The following MGST2 variants were observed in gnomAD, a reference collection of about 807,000 sequenced individuals.
MGST2 encodes glutathione peroxidase MGST2.
In MGST2, 9 loss-of-function variants were observed where a neutral mutation model predicts 16.6. The observed-to-expected ratio is 0.54, with a 90% CI of 0.33 to 0.95. MGST2 has a LOEUF of 0.95. Among genes scored for constraint, MGST2 ranks in the 40% least tolerant of loss-of-function variants. The pLI, the probability that MGST2 is intolerant of heterozygous loss-of-function variation, is 0.03. For missense variants in MGST2, 159 were observed against 175.1 expected, an observed-to-expected ratio of 0.91 and a Z score of 0.52; for synonymous variants, 79 against 68.0, an observed-to-expected ratio of 1.16 and a Z score of -0.79.
At position 139,688,842 on chromosome 4, in the gene MGST2, C is replaced by T. The variant is rs985127232; in HGVS notation, c.159-6355C>T. 4.6e-5 allele frequency among the ~76,000 whole-genome samples: 7 copies of T among 152,134 alleles called. No individual in the cohort carries two copies. The South Asian group carries it at 8.3e-4, about 18-fold the overall frequency. ...GGGCTGGGGGCTGGGCGCAGTGGCC[C>T]GTGCCTGTAATCACAGCACTTTGGG... On this transcript the variant is annotated intron_variant, in intron 2 of 4. Coordinates refer to ENST00000265498, the MANE Select transcript of MGST2 (RefSeq NM_002413.5).
intron 5 of MGST2, chr4:139,717,458 C>T (rs1325449379): frequency 6.6e-6 from 1 of 152,222 alleles, no homozygotes; most frequent in East Asian, 1.9e-4. Context: ...TCAGGGTCAC[C>T]CTGCTGCCAC....
chr4:139,714,333 T>C (rs1350977794), intron 5 of MGST2, among the ~76,000 whole-genome samples: 3 of 152,234 alleles, frequency 2.0e-5, no homozygotes, highest in South Asian at 2.1e-4. Flanking sequence ...ACTGATTTTT[T>C]CCCCCCATTC....
intron 2 of MGST2, 119 bp downstream of exon 2, chr4:139,678,761 A>G: frequency 1.2e-6 from 1 of 823,004 alleles, no homozygotes; most frequent in East Asian, 2.6e-5. Flanking sequence ...TAGTTATAAC[A>G]AGTCACTCTT....
At chr4:139,682,180 C>T (rs552569079) in intron 2 of MGST2, among the ~76,000 whole-genome samples, 18 of 150,640 alleles carry the variant, frequency 1.2e-4, no homozygotes, top group Non-Finnish European at 2.2e-4. Context: ...TGGGCAACAG[C>T]GAAAGACCCC....
chr4:139,704,453 C>T, downstream of MGST2, among the ~76,000 whole-genome samples: 1 of 152,052 alleles, frequency 6.6e-6, no homozygotes, highest in East Asian at 1.9e-4. Context: ...ACTGACATAT[C>T]CTGCCACTCT....
At chr4:139,700,128 T>C (rs376780544) in intron 3 of MGST2, among the ~76,000 whole-genome samples, 1 of 27,724 alleles carries the variant, frequency 3.6e-5, no homozygotes, top group Non-Finnish European at 5.6e-5. Flanking sequence ...TTGGTTTTGC[T>C]TTTTTTTTTT....
chr4:139,696,156 G>A (rs1187761647), intron 3 of MGST2, among the ~76,000 whole-genome samples: 1 of 152,198 alleles, frequency 6.6e-6, no homozygotes, highest in Non-Finnish European at 1.5e-5. Flanking sequence ...CGTTGAGTAA[G>A]CTGAGGAAGA....
chr4:139,703,569 A>G, intron 4 of MGST2, 33 bp downstream of exon 4: 2 of 1,585,178 alleles, frequency 1.3e-6, no homozygotes, highest in South Asian at 1.1e-5. Context: ...GTATTTATGC[A>G]AAAAGTAGCA....
At chr4:139,745,094 A>T (rs1027746467), downstream of MGST2, among the ~76,000 whole-genome samples, 1 of 152,214 alleles carries the variant, frequency 6.6e-6, no homozygotes, top group Non-Finnish European at 1.5e-5. Flanking sequence ...GACTTGACTG[A>T]GAGCCTTGAT....
downstream of MGST2, among the ~76,000 whole-genome samples, chr4:139,706,206 GGGAGT>G (rs891641805): frequency 2.3e-4 from 35 of 152,106 alleles, no homozygotes; most frequent in African/African-American, 7.7e-4. Flanking sequence ...ATACTGGCCT[GGGAGT>G]GGGCACATTT....
chr4:139,689,468 C>G (rs1220841736), intron 2 of MGST2, among the ~76,000 whole-genome samples: 2 of 152,180 alleles, frequency 1.3e-5, no homozygotes, highest in Admixed American at 6.5e-5. Flanking sequence ...CCTCTCATCC[C>G]CAAGCCTTTT....
intron 2 of MGST2, chr4:139,679,094 G>A (rs1300702632): frequency 3.9e-5 from 7 of 180,522 alleles, no homozygotes; most frequent in Non-Finnish European, 8.2e-5. Flanking sequence ...AAACCTGTAA[G>A]AATGAGAAAG....
intron 5 of MGST2, among the ~76,000 whole-genome samples, chr4:139,733,351 A>G (rs1012890998): frequency 6.6e-6 from 1 of 152,118 alleles, no homozygotes; most frequent in Non-Finnish European, 1.5e-5. Flanking sequence ...GGCCCTGTTT[A>G]TCTTTGTGCA....
intron 5 of MGST2, chr4:139,719,360 C>T: frequency 2.5e-6 from 4 of 1,607,128 alleles, no homozygotes; most frequent in Non-Finnish European, 3.4e-6. Flanking sequence ...CTCCTGCATC[C>T]ACTCGTCCCC....
At chr4:139,719,551 C>T in intron 5 of MGST2, 1 of 1,613,748 alleles carries the variant, frequency 6.2e-7, no homozygotes, top group South Asian at 1.1e-5. Flanking sequence ...GTGCTGGGGG[C>T]TGGCTGAACG....
chr4:139,730,767 A>G lies in MGST2; in HGVS notation c.*49-9445A>G, dbSNP rs550301848. 183 of 1,129,952 alleles carry G rather than the reference A, an allele frequency of 1.6e-4. 1 individual carries two copies. Among genetic ancestry groups the G allele is most frequent in the South Asian group, 1.2e-3 (81 of 65,838 alleles). The allele number at this position is 1,129,952 out of a possible 1,614,324, so 70.0% of individuals were successfully genotyped here. A position where few individuals can be genotyped will look rare whatever the true frequency, so the allele number is the denominator to read the frequency against. ...AAAAAGGGAACGGGGCAGAAGTCCCAGCTTATGGACTGGAGGGTTTTTGAG... is the reference window on the plus strand; with the variant it reads ...AAAAAGGGAACGGGGCAGAAGTCCCGGCTTATGGACTGGAGGGTTTTTGAG... On this transcript the variant is annotated intron_variant, in intron 5 of 5. Coordinates refer to the MGST2 transcript ENST00000616265.
chr4:139,697,378 C>T (rs1726987724), intron 3 of MGST2, among the ~76,000 whole-genome samples: 1 of 152,138 alleles, frequency 6.6e-6, no homozygotes, highest in Non-Finnish European at 1.5e-5. Context: ...CCTTTCTCCT[C>T]AATGATTTTC....
the MGST2 span, among the ~76,000 whole-genome samples, chr4:139,753,341 A>AATCAATCT: frequency 2.7e-5 from 4 of 146,578 alleles, no homozygotes; most frequent in Admixed American, 2.7e-4. Context: ...TTTTCTTTTT[A>AATCAATCT]ATCTATCTAT....
intron 5 of MGST2, chr4:139,730,399 G>T (rs1240106348): frequency 6.5e-7 from 1 of 1,546,062 alleles, no homozygotes; most frequent in Non-Finnish European, 8.7e-7. Context: ...AATGAATCAC[G>T]CCAAGGGGCA....
Sources: gnomAD v4.1 joint callset for allele counts (sites outside exome capture counted in the v4.1 genomes callset) on GRCh38, gnomAD v4.1.1 for gene constraint, MANE v1.5 for transcripts, NCBI Gene and HGNC (gene_info 2026-07-23, HGNC 2026-07-21) for gene names.